The following IGSF21 variants were observed in gnomAD, a reference collection of about 807,000 sequenced individuals.
IGSF21 encodes the protein immunoglobulin superfamily member 21.
In IGSF21, 28 loss-of-function variants were observed where a neutral mutation model predicts 46.8. That is an observed-to-expected ratio of 0.60 (90% CI 0.44 to 0.82). IGSF21 has a LOEUF of 0.82. Among genes scored for constraint, IGSF21 ranks in the 40% least tolerant of loss-of-function variants. IGSF21 has a pLI of 0.00. For missense variants in IGSF21, 624 were observed against 665.5 expected, an observed-to-expected ratio of 0.94 and a Z score of 0.69; for synonymous variants, 284 against 273.6, an observed-to-expected ratio of 1.04 and a Z score of -0.38.
intron 1 of IGSF21, among the ~76,000 whole-genome samples, chr1:18,184,254 T>A (rs2086882445): frequency 6.6e-6 from 1 of 152,206 alleles, no homozygotes; most frequent in African/African-American, 2.4e-5. Flanking sequence ...TCAAAGATGA[T>A]GAGAGATATT....
chr1:18,220,331 T>C (rs2084497495), intron 1 of IGSF21, among the ~76,000 whole-genome samples: 1 of 152,096 alleles, frequency 6.6e-6, no homozygotes, highest in African/African-American at 2.4e-5. Context: ...TACTCCAAGC[T>C]GGCAGCAGCA....
chr1:18,260,944 G>A (rs1419939827), intron 2 of IGSF21, among the ~76,000 whole-genome samples: 1 of 152,244 alleles, frequency 6.6e-6, no homozygotes, highest in East Asian at 1.9e-4. Flanking sequence ...GGGGAGGTAT[G>A]CAGAGTGAGG....
At chr1:18,128,121 A>G (rs1376638077) in intron 1 of IGSF21, among the ~76,000 whole-genome samples, 3 of 152,160 alleles carry the variant, frequency 2.0e-5, no homozygotes, top group African/African-American at 7.2e-5. Context: ...TCCAATATTT[A>G]TTGGTCTCCT....
intron 1 of IGSF21, among the ~76,000 whole-genome samples, chr1:18,188,411 G>A (rs1240208981): frequency 2.6e-5 from 4 of 152,156 alleles, no homozygotes; most frequent in Non-Finnish European, 4.4e-5. Flanking sequence ...GTAAAATATG[G>A]CCTTTGATTA....
At chr1:18,165,581 G>A (rs2086670683) in intron 1 of IGSF21, among the ~76,000 whole-genome samples, 1 of 152,176 alleles carries the variant, frequency 6.6e-6, no homozygotes, top group Non-Finnish European at 1.5e-5. Context: ...CCTGTAAAGA[G>A]TAAAGTAGAG....
At chr1:18,180,986 G>C (rs768813532) in intron 1 of IGSF21, among the ~76,000 whole-genome samples, 1 of 152,288 alleles carries the variant, frequency 6.6e-6, no homozygotes, top group East Asian at 1.9e-4. Context: ...TTTCCCCTGG[G>C]CCTCAGTCTC....
chr1:18,193,781 G>A lies in IGSF21; in HGVS notation c.71-34117G>A, dbSNP rs144451244. ...TCCAATCAAGTTGACACTCAGCATT[G>A]ACCATCACAGAGGCTTTGGATGGGG... On this transcript the variant is annotated intron_variant, in intron 1 of 9. Transcript: ENST00000251296. Among the ~76,000 whole-genome samples, 37 of 152,300 alleles carry A rather than the reference G, an allele frequency of 2.4e-4. No homozygotes were observed. The East Asian group carries it at 6.6e-3, about 27-fold the overall frequency.
chr1:18,266,802 C>G (rs568770633), intron 2 of IGSF21, among the ~76,000 whole-genome samples: 1 of 152,224 alleles, frequency 6.6e-6, no homozygotes, highest in African/African-American at 2.4e-5. Context: ...CAATTCACTA[C>G]GTGACACAGG....
chr1:18,241,135 G>T (rs909854629), intron 2 of IGSF21, among the ~76,000 whole-genome samples: 3 of 152,154 alleles, frequency 2.0e-5, no homozygotes, highest in African/African-American at 7.2e-5. Context: ...TTGAGAGGAG[G>T]GGGAGGATGT....
chr1:18,333,299 C>A (rs2085732865), intron 3 of IGSF21, among the ~76,000 whole-genome samples: 1 of 152,182 alleles, frequency 6.6e-6, no homozygotes, highest in Admixed American at 6.5e-5. Context: ...GGCTGGAACT[C>A]GCATGAAGAC....
intron 2 of IGSF21, among the ~76,000 whole-genome samples, chr1:18,252,756 C>T (rs142343443): frequency 9.8e-5 from 15 of 152,290 alleles, no homozygotes; most frequent in Non-Finnish European, 1.3e-4. Flanking sequence ...AAACAATATA[C>T]GGGGGCCGGG....
At chr1:18,312,046 C>G (rs915603491) in intron 3 of IGSF21, among the ~76,000 whole-genome samples, 1 of 152,182 alleles carries the variant, frequency 6.6e-6, no homozygotes, top group Non-Finnish European at 1.5e-5. Flanking sequence ...TCACCAGGTT[C>G]ACCTTCCTTC....
At position 18,335,943 on chromosome 1, in the gene IGSF21, C is replaced by G. The variant is rs1200718259; in HGVS notation, c.424+933C>G. ...AGGAAAAGCCCCTCTCTCGCAGTTA[C>G]TCATGCACCACTCAGCTCCTCTGAT... On this transcript the variant is annotated intron_variant, in intron 4 of 9. Coordinates refer to ENST00000251296, the MANE Select transcript of IGSF21 (RefSeq NM_032880.5). This position sits in a 1 kb window ranked among gnomAD's most constrained non-coding sequence, Gnocchi z 4.8. Among the ~76,000 whole-genome samples the G allele has an allele frequency of 6.6e-6, 1 of 152,206 alleles. No homozygotes were observed. The highest frequency in any genetic ancestry group is 1.9e-4 in the East Asian group (1 of 5,182).
At chr1:18,342,626 C>T (rs2085854855) in intron 4 of IGSF21, among the ~76,000 whole-genome samples, 1 of 152,148 alleles carries the variant, frequency 6.6e-6, no homozygotes, top group Non-Finnish European at 1.5e-5. Context: ...GCCACAAACA[C>T]CCTTTCTGTC....
Position 18,108,052 on chromosome 1 carries a change from T to A in IGSF21, c.-77T>A, listed in dbSNP as rs2086107477. On this transcript the variant is annotated 5_prime_UTR_variant, in exon 1 of 10. The change abolishes the stop of an existing upstream ORF in the 5' untranslated region. Transcript: ENST00000251296. ...CAGTGGCCGGAGGCAGGAGCGCGTC[T>A]GAGCCCATGGCGAGGGGACCCGCCG... is the stretch of plus-strand genomic sequence containing the variant. 1 of 631,114 alleles carries A rather than the reference T, an allele frequency of 1.6e-6. No individual in the cohort carries two copies. Among genetic ancestry groups the A allele is most frequent in the Non-Finnish European group, 2.3e-6 (1 of 426,246 alleles). 39.1% of individuals were successfully genotyped at this position (631,114 alleles called of 1,614,324 possible). A position where few individuals can be genotyped will look rare whatever the true frequency, so the allele number is the denominator to read the frequency against.
intron 1 of IGSF21, among the ~76,000 whole-genome samples, chr1:18,205,416 G>A (rs532062496): frequency 1.3e-5 from 2 of 152,176 alleles, no homozygotes; most frequent in Admixed American, 6.5e-5. Context: ...CCTTTCCAGC[G>A]AGAAAAATCA....
At chr1:18,197,402 T>C (rs2087020443) in intron 1 of IGSF21, among the ~76,000 whole-genome samples, 3 of 152,242 alleles carry the variant, frequency 2.0e-5, no homozygotes, top group Non-Finnish European at 4.4e-5. Context: ...CACAGTAAGC[T>C]GTGTGACCTT....
At position 18,108,241 on chromosome 1, in the gene IGSF21, C is replaced by A. The variant is rs1006204252; in HGVS notation, c.70+43C>A. The A allele has an allele frequency of 1.2e-5, 16 of 1,319,002 alleles. No homozygotes were observed. In the African/African-American group the frequency reaches 2.2e-4, roughly 18 times the overall value. The allele number at this position is 1,319,002 out of a possible 1,614,324, so 81.7% of individuals were successfully genotyped here. On this transcript the variant is annotated intron_variant, in intron 1 of 9. Transcript: ENST00000251296. ...TGGCGGGAGCCGAGCGGTGAACGTG[C>A]GCGGGGACGGGGTGCCGGGGGAGGG...
intron 2 of IGSF21, among the ~76,000 whole-genome samples, chr1:18,253,415 C>T (rs188237557): frequency 7.4e-4 from 112 of 152,318 alleles, no homozygotes; most frequent in Middle Eastern, 3.4e-3. Context: ...GGCCAGGTCC[C>T]AGGATGGGCC....
Sources: allele counts gnomAD v4.1 joint callset (sites outside exome capture counted in the v4.1 genomes callset), GRCh38; gene constraint gnomAD v4.1.1; non-coding constraint Gnocchi (gnomAD v3.1); transcripts MANE v1.5; gene names NCBI Gene and HGNC (gene_info 2026-07-23, HGNC 2026-07-21).